GRM7: variants seen among roughly 807,000 people sequenced by gnomAD.
GRM7 encodes the protein glutamate metabotropic receptor 7, also known as metabotropic glutamate receptor 7.
GRM7 carries 35 observed loss-of-function variants against 84.5 expected under a neutral mutation model. That is an observed-to-expected ratio of 0.41 (90% confidence interval 0.32 to 0.55). GRM7 has a LOEUF of 0.55. Among genes scored for constraint, GRM7 ranks in the 20% least tolerant of loss-of-function variants. The pLI, the probability that GRM7 is intolerant of heterozygous loss-of-function variation, is 0.19. For missense variants in GRM7, 1,003 were observed against 1,194.6 expected (o/e 0.84, Z 2.36); for synonymous variants, 487 against 455.1 (o/e 1.07, Z -0.89).
rs374864993 is a variant in GRM7, at chr3:7,497,340, A to G, written c.1515+35618A>G. ...ATGACTAAAAGTGGCAACGTTTCCC[A>G]TGGGGTTTTGGAAACCACATATACT... On this transcript the variant is annotated intron_variant, in intron 7 of 9. Transcript: ENST00000357716. Among the ~76,000 whole-genome samples the G allele has an allele frequency of 9.5e-4, 145 of 152,302 alleles. 3 individuals are homozygous for G. The South Asian group carries it at 0.026, about 27-fold the overall frequency.
At chr3:7,159,852 A>C (rs911459238) in intron 2 of GRM7, among the ~76,000 whole-genome samples, 2 of 152,162 alleles carry the variant, frequency 1.3e-5, no homozygotes, top group Non-Finnish European at 2.9e-5. Flanking sequence ...TTAAAAACTA[A>C]AAGTTCAAAA....
At chr3:7,155,888 A>G (rs551649483) in intron 2 of GRM7, among the ~76,000 whole-genome samples, 43 of 152,296 alleles carry the variant, frequency 2.8e-4, no homozygotes, top group African/African-American at 9.9e-4. Context: ...AAGTTTGTCT[A>G]TTTCCAATTA....
intron 4 of GRM7, among the ~76,000 whole-genome samples, chr3:7,373,955 G>A (rs1694240832): frequency 6.6e-6 from 1 of 152,106 alleles, no homozygotes; most frequent in Non-Finnish European, 1.5e-5. Context: ...GTGACTAGTG[G>A]CTACCATGTT....
At chr3:7,223,128 A>G (rs550202339) in intron 2 of GRM7, among the ~76,000 whole-genome samples, 10 of 152,094 alleles carry the variant, frequency 6.6e-5, no homozygotes, top group Admixed American at 2.0e-4. Context: ...TTTCCCTGTT[A>G]ACCTTGCCAA....
intron 8 of GRM7, among the ~76,000 whole-genome samples, chr3:7,664,292 C>A (rs1306714703): frequency 6.6e-6 from 1 of 151,712 alleles, no homozygotes; most frequent in Non-Finnish European, 1.5e-5. Context: ...TTGTTGTAAT[C>A]GTGGAATAAA....
At chr3:7,578,105 G>T (rs796272692) in intron 7 of GRM7, among the ~76,000 whole-genome samples, 29 of 152,228 alleles carry the variant, frequency 1.9e-4, no homozygotes, top group African/African-American at 6.7e-4. Context: ...TTGGGCACTT[G>T]TTATAAATAC....
At chr3:7,290,938 C>A (rs1378391671) in intron 2 of GRM7, among the ~76,000 whole-genome samples, 1 of 152,020 alleles carries the variant, frequency 6.6e-6, no homozygotes, top group Non-Finnish European at 1.5e-5. Context: ...ACCTCTATCA[C>A]CAAAATCTTT....
intron 7 of GRM7, among the ~76,000 whole-genome samples, chr3:7,509,677 A>G (rs1021322920): frequency 2.6e-5 from 4 of 152,176 alleles, no homozygotes; most frequent in Non-Finnish European, 5.9e-5. Context: ...ACCCAGTAAC[A>G]ATGTTTCTTT....
chr3:7,401,427 T>G (rs910310407), intron 4 of GRM7, among the ~76,000 whole-genome samples: 3 of 152,144 alleles, frequency 2.0e-5, no homozygotes, highest in Non-Finnish European at 4.4e-5. Context: ...TGTTGCCATA[T>G]GGCTTGAATA....
Position 7,365,128 on chromosome 3 carries a change from A to G in GRM7, c.1034-49895A>G, listed in dbSNP as rs9311988. On this transcript the variant is annotated intron_variant, in intron 4 of 9. Coordinates refer to ENST00000357716, the MANE Select transcript of GRM7 (RefSeq NM_000844.4). ...CAGTTTTCTGGTTTTTCTGTTGCCA[A>G]TACTTGATTTGCTGCCAAACGAATT... Among the ~76,000 whole-genome samples the G allele has an allele frequency of 5.7e-3, 864 of 151,958 alleles. 7 individuals carry two copies. Among genetic ancestry groups the G allele is most frequent in the African/African-American group, 0.018 (737 of 41,530 alleles).
At chr3:7,058,968 C>T (rs1057462757) in intron 1 of GRM7, among the ~76,000 whole-genome samples, 2 of 151,876 alleles carry the variant, frequency 1.3e-5, no homozygotes, top group African/African-American at 2.4e-5. Context: ...CTAGTATAAG[C>T]ATGCCAGGGC....
chr3:7,218,489 T>C (rs1185977369), intron 2 of GRM7, among the ~76,000 whole-genome samples: 1 of 152,060 alleles, frequency 6.6e-6, no homozygotes, highest in African/African-American at 2.4e-5. Context: ...ATGTAAATAA[T>C]ACATGTTTAT....
At chr3:7,011,489 G>A (rs1014266407) in intron 1 of GRM7, among the ~76,000 whole-genome samples, 1 of 152,162 alleles carries the variant, frequency 6.6e-6, no homozygotes, top group Non-Finnish European at 1.5e-5. Flanking sequence ...TTACCATCAG[G>A]AGGTGATTGT....
intron 7 of GRM7, among the ~76,000 whole-genome samples, chr3:7,482,554 A>C (rs1283962810): frequency 6.6e-6 from 1 of 152,202 alleles, no homozygotes; most frequent in Non-Finnish European, 1.5e-5. Context: ...CGAGTTATAA[A>C]GTGCCCCCGG....
chr3:7,580,811 C>A (rs1695212712), intron 8 of GRM7, among the ~76,000 whole-genome samples: 1 of 151,954 alleles, frequency 6.6e-6, no homozygotes, highest in Non-Finnish European at 1.5e-5. Context: ...ACTTGAATAT[C>A]ATTTTATTTC....
intron 1 of GRM7, among the ~76,000 whole-genome samples, chr3:7,125,697 T>G (rs986882735): frequency 2.6e-5 from 4 of 152,238 alleles, no homozygotes; most frequent in African/African-American, 9.6e-5. Flanking sequence ...TCATCAGCTT[T>G]AGAAGGGATA....
In GRM7 at chr3:7,356,688, T is replaced by C. The variant is rs185884821; in HGVS notation, c.1033+50036T>C. Among the ~76,000 whole-genome samples, 300 of 152,252 alleles carry C rather than the reference T, an allele frequency of 2.0e-3. 1 individual carries two copies. The highest frequency in any genetic ancestry group is 7.0e-3 in the African/African-American group (289 of 41,564). On this transcript the variant is annotated intron_variant, in intron 4 of 9. Coordinates refer to ENST00000357716, the MANE Select transcript of GRM7 (RefSeq NM_000844.4). ...CTTCTTTCCCCAGCCATCCATGTTA[T>C]CAGAGTCTTTGATGTTGTTCTTTGG...
At chr3:7,204,462 A>G (rs1456686769) in intron 2 of GRM7, among the ~76,000 whole-genome samples, 1 of 152,210 alleles carries the variant, frequency 6.6e-6, no homozygotes, top group Non-Finnish European at 1.5e-5. Context: ...CATGAAATCT[A>G]TTGGCTTAGC....
intron 4 of GRM7, among the ~76,000 whole-genome samples, chr3:7,405,203 G>A (rs1695622585): frequency 6.6e-6 from 1 of 152,096 alleles, no homozygotes; most frequent in African/African-American, 2.4e-5. Flanking sequence ...ATAATTTCTT[G>A]AAAATATGTC....
Sources: gnomAD v4.1 joint callset for allele counts (sites outside exome capture counted in the v4.1 genomes callset) on GRCh38, gnomAD v4.1.1 for gene constraint, MANE v1.5 for transcripts, NCBI Gene and HGNC (gene_info 2026-07-23, HGNC 2026-07-21) for gene names.